TAFA4: variants seen among roughly 807,000 people sequenced by gnomAD.
TAFA4 encodes chemokine-like protein TAFA-4.
TAFA4 carries 20 observed loss-of-function variants against 21.1 expected under a neutral mutation model. That is an observed-to-expected ratio of 0.95 (90% CI 0.67 to 1.38). The LOEUF (loss-of-function observed/expected upper bound fraction) is 1.38, where lower values mean the gene tolerates loss of function less well. Among genes scored for constraint, TAFA4 ranks in the 40% most tolerant of loss-of-function variants. The pLI is 0.00. For missense variants in TAFA4, 211 were observed against 180.9 expected, an observed-to-expected ratio of 1.17 and a Z score of -0.95; for synonymous variants, 71 against 67.4, an observed-to-expected ratio of 1.05 and a Z score of -0.26.
At chr3:68,911,331 AAT>A (rs1483322891) in intron 1 of TAFA4, among the ~76,000 whole-genome samples, 1 of 152,234 alleles carries the variant, frequency 6.6e-6, no homozygotes, top group Non-Finnish European at 1.5e-5. Context: ...GGTGCTGTCC[AAT>A]TAGAATCAAA....
Position 68,732,582 on chromosome 3 carries a change from A to G in TAFA4, c.*560T>C, listed in dbSNP as rs1017861863. On this transcript the variant is annotated 3_prime_UTR_variant, in exon 6 of 6. Coordinates refer to ENST00000295569, the MANE Select transcript of TAFA4 (RefSeq NM_182522.5). The stretch of plus-strand genomic sequence containing the variant: ...ACAATGCACACACAATAATCCAACT[A>G]TGTCCTTCTATTCTTCAAGGGTTAT... 2.6e-5 allele frequency: 4 copies of G among 152,658 alleles called. No homozygotes were observed. Among genetic ancestry groups the G allele is most frequent in the East Asian group, 1.9e-4 (1 of 5,192 alleles). 9.5% of individuals were successfully genotyped at this position (152,658 alleles called of 1,614,324 possible). A position where few individuals can be genotyped will look rare whatever the true frequency, so the allele number is the denominator to read the frequency against.
intron 3 of TAFA4, among the ~76,000 whole-genome samples, chr3:68,762,295 C>T (rs573960450): frequency 1.1e-4 from 16 of 151,582 alleles, no homozygotes; most frequent in South Asian, 6.3e-4. Flanking sequence ...TAGACAATAA[C>T]TATAATGACT....
At chr3:68,901,303 C>T (rs974628742) in intron 1 of TAFA4, among the ~76,000 whole-genome samples, 1 of 151,694 alleles carries the variant, frequency 6.6e-6, no homozygotes. Context: ...AGAACTCCTA[C>T]AGCTATTTCA....
chr3:68,739,991 G>A (rs1702320225), intron 4 of TAFA4, among the ~76,000 whole-genome samples: 1 of 152,200 alleles, frequency 6.6e-6, no homozygotes, highest in Admixed American at 6.5e-5. Context: ...ATATAAAACA[G>A]ATCACTTTTG....
At chr3:68,797,886 C>A (rs1032545926) in intron 3 of TAFA4, among the ~76,000 whole-genome samples, 1 of 151,996 alleles carries the variant, frequency 6.6e-6, no homozygotes, top group African/African-American at 2.4e-5. Context: ...CGTAGCACAG[C>A]GATGTGAGTA....
At chr3:68,786,064 A>G (rs1703253675) in intron 3 of TAFA4, among the ~76,000 whole-genome samples, 1 of 152,256 alleles carries the variant, frequency 6.6e-6, no homozygotes, top group South Asian at 2.1e-4. Flanking sequence ...CCCACAATGC[A>G]GGAAGGTGAT....
chr3:68,789,973 A>C (rs748320554), intron 3 of TAFA4, among the ~76,000 whole-genome samples: 8 of 152,220 alleles, frequency 5.3e-5, no homozygotes, highest in Non-Finnish European at 8.8e-5. Flanking sequence ...GGAAACTTGG[A>C]GGAAGAAAAT....
intron 1 of TAFA4, among the ~76,000 whole-genome samples, chr3:68,897,487 A>G (rs967767938): frequency 2.6e-5 from 4 of 151,792 alleles, no homozygotes; most frequent in Non-Finnish European, 5.9e-5. Flanking sequence ...TTAGCCGGGC[A>G]TGGTGGTACA....
intron 3 of TAFA4, among the ~76,000 whole-genome samples, chr3:68,866,516 G>A (rs1289052444): frequency 1.3e-5 from 2 of 151,750 alleles, no homozygotes; most frequent in East Asian, 1.9e-4. Context: ...CAAAGCAATA[G>A]ACATATATTC....
At chr3:68,775,978 G>A (rs930453461) in intron 3 of TAFA4, among the ~76,000 whole-genome samples, 19 of 151,824 alleles carry the variant, frequency 1.3e-4, no homozygotes, top group African/African-American at 4.4e-4. Flanking sequence ...TACTAAGAGG[G>A]AAAAAGCAAA....
chr3:68,810,170 G>C lies in TAFA4; in HGVS notation c.131-57152C>G, dbSNP rs1186719153. ...TCTGTACATTGCTTTGGGTAATGTG[G>C]ACATTTCAACAATAGTAATTCTGGA... On this transcript the variant is annotated intron_variant, in intron 3 of 5. Transcript: ENST00000295569. 4.6e-5 allele frequency among the ~76,000 whole-genome samples: 7 copies of C among 152,274 alleles called. No individual in the cohort carries two copies. In the East Asian group the frequency reaches 7.7e-4, roughly 17 times the overall value.
intron 1 of TAFA4, among the ~76,000 whole-genome samples, chr3:68,889,571 C>T (rs970366188): frequency 1.3e-5 from 2 of 152,108 alleles, no homozygotes; most frequent in East Asian, 3.9e-4. Context: ...CACCTCACTC[C>T]ACATATGAAT....
chr3:68,914,152 A>C (rs1046648802), intron 1 of TAFA4, among the ~76,000 whole-genome samples: 10 of 152,222 alleles, frequency 6.6e-5, no homozygotes, highest in African/African-American at 2.2e-4. Flanking sequence ...ACTAGAATAA[A>C]GTAGCCTATT....
At chr3:68,765,393 A>T (rs1702833635) in intron 3 of TAFA4, among the ~76,000 whole-genome samples, 1 of 152,160 alleles carries the variant, frequency 6.6e-6, no homozygotes, top group South Asian at 2.1e-4. Flanking sequence ...GCCCTAAGTA[A>T]AATAGGCTCC....
chr3:68,918,699 CTGCT>C (rs1294619516), intron 1 of TAFA4, among the ~76,000 whole-genome samples: 1 of 152,108 alleles, frequency 6.6e-6, no homozygotes, highest in Non-Finnish European at 1.5e-5. Flanking sequence ...CTAACCATGC[CTGCT>C]TAATTTTTGT....
At chr3:68,849,589 CA>C (rs1704893782) in intron 3 of TAFA4, among the ~76,000 whole-genome samples, 1 of 152,180 alleles carries the variant, frequency 6.6e-6, no homozygotes, top group African/African-American at 2.4e-5. Context: ...CGGACTAGCC[CA>C]GGTGTCAGCT....
rs544996762 is a variant in TAFA4, at chr3:68,880,506, T to C, written c.130+224A>G. 2.6e-5 allele frequency among the ~76,000 whole-genome samples: 4 copies of C among 152,270 alleles called. No homozygotes were observed. In the South Asian group the frequency reaches 8.3e-4, roughly 32 times the overall value. ...AGAAAAACTGCTATAAAAATAAAAGTGTGCCCAAGAAAACAAAAGTTTTTA... is the reference window on the plus strand; with the variant it reads ...AGAAAAACTGCTATAAAAATAAAAGCGTGCCCAAGAAAACAAAAGTTTTTA... On this transcript the variant is annotated intron_variant, in intron 3 of 5. Coordinates refer to ENST00000295569, the MANE Select transcript of TAFA4 (RefSeq NM_182522.5).
chr3:68,741,438 C>CTGAGT (rs780095479), intron 4 of TAFA4, among the ~76,000 whole-genome samples: 21 of 152,042 alleles, frequency 1.4e-4, no homozygotes, highest in Non-Finnish European at 2.8e-4. Flanking sequence ...AGAAATGCGA[C>CTGAGT]TGAGTTTTGG....
intron 1 of TAFA4, among the ~76,000 whole-genome samples, chr3:68,915,526 GGCT>G (rs1371161058): frequency 6.6e-5 from 10 of 152,210 alleles, no homozygotes; most frequent in South Asian, 4.1e-4. Context: ...AAAATAATTG[GGCT>G]GCTAATTAGG....
Sources: gnomAD v4.1 joint callset for allele counts (sites outside exome capture counted in the v4.1 genomes callset) on GRCh38, gnomAD v4.1.1 for gene constraint, MANE v1.5 for transcripts, NCBI Gene and HGNC (gene_info 2026-07-23, HGNC 2026-07-21) for gene names.